Variants in FNBP1 observed in about 807,000 individuals in gnomAD.
The protein encoded by FNBP1 is formin binding protein 1, also known as formin-binding protein 1.
FNBP1 carries 26 observed loss-of-function variants against 90.6 expected under a neutral mutation model. The observed-to-expected ratio is 0.29, with a 90% CI of 0.21 to 0.40. The LOEUF (loss-of-function observed/expected upper bound fraction) is 0.40, where lower values mean the gene tolerates loss of function less well. Among genes scored for constraint, FNBP1 ranks in the 10% least tolerant of loss-of-function variants. The pLI is 1.00. For missense variants in FNBP1, 635 were observed against 768.0 expected (o/e 0.83, Z 2.05); for synonymous variants, 260 against 265.2 (o/e 0.98, Z 0.19).
At chr9:130,026,624 T>C (rs759888253) in intron 1 of FNBP1, among the ~76,000 whole-genome samples, 1 of 152,086 alleles carries the variant, frequency 6.6e-6, no homozygotes, top group Non-Finnish European at 1.5e-5. Flanking sequence ...ATTTACTGCC[T>C]CCAGAACAGT....
chr9:129,936,717 G>T (rs1363174160), intron 6 of FNBP1, among the ~76,000 whole-genome samples: 1 of 152,144 alleles, frequency 6.6e-6, no homozygotes, highest in Admixed American at 6.5e-5. Flanking sequence ...CCAGGTAAAT[G>T]AGAATAAGCA....
intron 16 of FNBP1, 200 bp downstream of exon 16, chr9:129,895,638 T>G: frequency 8.1e-7 from 1 of 1,240,826 alleles, no homozygotes; most frequent in Non-Finnish European, 1.0e-6. Flanking sequence ...CAAGTGAAAC[T>G]TGATTACAGC....
chr9:129,969,580 C>A (rs968286978), intron 4 of FNBP1, among the ~76,000 whole-genome samples: 1 of 151,972 alleles, frequency 6.6e-6, no homozygotes, highest in South Asian at 2.1e-4. Flanking sequence ...TTTTTAATAT[C>A]TCTTCCAATA....
At position 129,976,620 on chromosome 9, in the gene FNBP1, C is replaced by T. The variant is rs564214655; in HGVS notation, c.345+1845G>A. On this transcript the variant is annotated intron_variant, in intron 4 of 16. Transcript: ENST00000446176. ...CTCTCTATTGAATGCTTGTCCCAGG[C>T]AGGTCCTAATCATCCCTCAAGTCTT... is the stretch of plus-strand genomic sequence containing the variant. 3.3e-5 allele frequency among the ~76,000 whole-genome samples: 5 copies of T among 152,260 alleles called. No homozygotes were observed. The South Asian group carries it at 6.2e-4, about 19-fold the overall frequency.
At chr9:129,984,513 T>C (rs1233270148) in intron 2 of FNBP1, among the ~76,000 whole-genome samples, 3 of 152,204 alleles carry the variant, frequency 2.0e-5, no homozygotes, top group Non-Finnish European at 4.4e-5. Context: ...ACATCTATGC[T>C]GACCACCCAA....
chr9:129,899,915 ATAT>A lies in FNBP1; in HGVS notation c.1687+47_1687+49del. 4 of 1,460,642 alleles carry A rather than the reference ATAT, an allele frequency of 2.7e-6. No homozygotes were observed. The South Asian group carries it at 5.8e-5, about 21-fold the overall frequency. The allele number at this position is 1,460,642 out of a possible 1,614,324, so 90.5% of individuals were successfully genotyped here. ...GAAAAGTGAAAGAAGAGTAACTCAGATATTATGGTTTATAAAAGGCAGGGGAAT... is the reference window on the plus strand; with the variant it reads ...GAAAAGTGAAAGAAGAGTAACTCAGATATGGTTTATAAAAGGCAGGGGAAT... On this transcript the variant is annotated intron_variant, in intron 15 of 16. Transcript: ENST00000446176.
chr9:129,889,556 C>G lies in FNBP1; in HGVS notation c.*983G>C, dbSNP rs138381480. On this transcript the variant is annotated 3_prime_UTR_variant, in exon 17 of 17. Transcript: ENST00000446176. ...CTGCACTCCAGTCTGAACAATAGAGCGAGACTCCCGTCTCAAAAAAAAAAA... is the reference window on the plus strand; with the variant it reads ...CTGCACTCCAGTCTGAACAATAGAGGGAGACTCCCGTCTCAAAAAAAAAAA... The G allele has an allele frequency of 5.1e-6, 1 of 195,032 alleles. No homozygotes were observed. The highest frequency in any genetic ancestry group is 2.5e-5 in the African/African-American group (1 of 39,822). 12.1% of individuals were successfully genotyped at this position (195,032 alleles called of 1,614,324 possible).
At chr9:130,047,760 A>G (rs2060068760), upstream of FNBP1, among the ~76,000 whole-genome samples, 1 of 152,186 alleles carries the variant, frequency 6.6e-6, no homozygotes, top group East Asian at 1.9e-4. Context: ...AACAGAACAG[A>G]GACCCTGTAT....
At chr9:130,011,132 C>T (rs1163531986) in intron 1 of FNBP1, among the ~76,000 whole-genome samples, 3 of 141,446 alleles carry the variant, frequency 2.1e-5, no homozygotes, top group Admixed American at 1.5e-4. Context: ...GGGAGAACAG[C>T]GTGAACCCAG....
chr9:129,889,777 A>G lies in FNBP1; in HGVS notation c.*762T>C. The G allele has an allele frequency of 4.3e-6, 1 of 232,274 alleles. No individual in the cohort carries two copies. Among genetic ancestry groups the G allele is most frequent in the East Asian group, 6.1e-5 (1 of 16,458 alleles). 14.4% of individuals were successfully genotyped at this position (232,274 alleles called of 1,614,324 possible). On this transcript the variant is annotated 3_prime_UTR_variant, in exon 17 of 17. Coordinates refer to ENST00000446176, the MANE Select transcript of FNBP1 (RefSeq NM_015033.3). Reference sequence around the variant, plus strand: ...TGGGCTCCTCATGGCCGGTGGACACAGGCGAGTCAACAAGGCGAGCTGGAA... The same window carrying G: ...TGGGCTCCTCATGGCCGGTGGACACGGGCGAGTCAACAAGGCGAGCTGGAA...
rs750487484 is a variant in FNBP1, at chr9:129,923,932, T to C, written c.1082A>G (p.Lys361Arg). 7.6e-6 allele frequency: 12 copies of C among 1,586,136 alleles called. No homozygotes were observed. Among genetic ancestry groups the C allele is most frequent in the African/African-American group, 1.4e-5 (1 of 71,256 alleles). ...SAVPNGPQSP[K>R]QQKEPLSHRF... ...ATGGGAGAGGGGTTCCTTTTGCTGCTTGGGAGACTGGGGGCCGTTGGGAAC... is the reference window on the plus strand; with the variant it reads ...ATGGGAGAGGGGTTCCTTTTGCTGCCTGGGAGACTGGGGGCCGTTGGGAAC... Residue 361 changes from lysine to arginine, a missense_variant, in exon 10 of 17, where the codon AAG (lysine) becomes AGG (arginine). By Grantham distance (26) the Lys-to-Arg change is conservative (BLOSUM62 2). Transcript: ENST00000446176.
intron 1 of FNBP1, among the ~76,000 whole-genome samples, chr9:130,019,849 C>G (rs551531813): frequency 2.0e-5 from 3 of 152,004 alleles, no homozygotes; most frequent in East Asian, 1.9e-4. Context: ...TGAGCCACCG[C>G]GCCCGGCCCA....
chr9:130,030,647 T>G (rs1251953588), intron 1 of FNBP1, among the ~76,000 whole-genome samples: 1 of 152,082 alleles, frequency 6.6e-6, no homozygotes, highest in Non-Finnish European at 1.5e-5. Context: ...CATTTTATGC[T>G]CTCCAAGAAA....
chr9:129,893,424 G>GA (rs1000101559), intron 16 of FNBP1, among the ~76,000 whole-genome samples: 1 of 143,102 alleles, frequency 7.0e-6, no homozygotes, highest in Non-Finnish European at 1.5e-5. Flanking sequence ...CCAACATGGT[G>GA]AAAACCTGTC....
chr9:129,951,905 G>A (rs950244235), intron 6 of FNBP1, among the ~76,000 whole-genome samples: 1 of 151,984 alleles, frequency 6.6e-6, no homozygotes, highest in African/African-American at 2.4e-5. Context: ...TGACAAACAA[G>A]CTAAGGCTGG....
upstream of FNBP1, among the ~76,000 whole-genome samples, chr9:130,047,830 T>C (rs1039086920): frequency 6.6e-6 from 1 of 152,146 alleles, no homozygotes; most frequent in African/African-American, 2.4e-5. Context: ...ATTCTAACCC[T>C]GCTTGCAACT....
At chr9:129,978,866 A>T (rs879282821) in intron 3 of FNBP1, among the ~76,000 whole-genome samples, 4 of 152,216 alleles carry the variant, frequency 2.6e-5, no homozygotes, top group Non-Finnish European at 5.9e-5. Context: ...CTTAGTCAAG[A>T]TATAATCCAA....
At chr9:129,992,900 G>GT (rs1401351627) in intron 2 of FNBP1, among the ~76,000 whole-genome samples, 11 of 148,566 alleles carry the variant, frequency 7.4e-5, no homozygotes, top group Non-Finnish European at 1.3e-4. Context: ...AAACTCAATG[G>GT]TGAGGGAGCT....
At chr9:129,947,857 G>T (rs886393406) in intron 6 of FNBP1, among the ~76,000 whole-genome samples, 1 of 151,816 alleles carries the variant, frequency 6.6e-6, no homozygotes, top group African/African-American at 2.4e-5. Context: ...CCCAACCTCA[G>T]GTAATCTGCG....
Sources: allele counts gnomAD v4.1 joint callset (sites outside exome capture counted in the v4.1 genomes callset), GRCh38; gene constraint gnomAD v4.1.1; transcripts MANE v1.5; gene names NCBI Gene and HGNC (gene_info 2026-07-23, HGNC 2026-07-21).